SHANK2: variants seen among roughly 807,000 people sequenced by gnomAD.
SHANK2 encodes SH3 and multiple ankyrin repeat domains protein 2.
A neutral mutation model predicts 133.7 loss-of-function variants in SHANK2; 43 were observed. That is an observed-to-expected ratio of 0.32 (90% CI 0.25 to 0.41). SHANK2 has a LOEUF of 0.41. SHANK2 is among the 10% of genes least tolerant of loss of function. The probability of loss-of-function intolerance (pLI) is 1.00; values close to 1 mark genes in which losing one functional copy is unlikely to be tolerated. For missense variants in SHANK2, 1,994 were observed against 2,235.8 expected (o/e 0.89, Z 2.18); for synonymous variants, 1,017 against 952.8 (o/e 1.07, Z -1.24).
chr11:71,238,952 C>T (rs188397579), intron 1 of SHANK2, among the ~76,000 whole-genome samples: 1 of 152,028 alleles, frequency 6.6e-6, no homozygotes, highest in Middle Eastern at 3.2e-3. Context: ...TAAGGTGGGA[C>T]GAGAGATTTG....
intron 3 of SHANK2, among the ~76,000 whole-genome samples, chr11:71,132,095 G>A (rs1425752908): frequency 7.2e-5 from 11 of 152,218 alleles, no homozygotes; most frequent in Non-Finnish European, 1.3e-4. Flanking sequence ...AGAGGCAGGT[G>A]AGGCTGCTGC....
At chr11:71,131,880 G>GC (rs2135333489) in intron 3 of SHANK2, among the ~76,000 whole-genome samples, 1 of 152,290 alleles carries the variant, frequency 6.6e-6, no homozygotes, top group African/African-American at 2.4e-5. Flanking sequence ...GGCCGCATTA[G>GC]CACCCCCAGG....
chr11:70,514,757 A>G (rs1163558517), intron 17 of SHANK2, among the ~76,000 whole-genome samples: 1 of 152,222 alleles, frequency 6.6e-6, no homozygotes, highest in Admixed American at 6.5e-5. Context: ...AAATTAAAAT[A>G]AGGTTCTAAG....
intron 17 of SHANK2, among the ~76,000 whole-genome samples, chr11:70,659,182 C>T (rs1483783502): frequency 1.3e-5 from 2 of 152,190 alleles, no homozygotes; most frequent in Admixed American, 6.5e-5. Context: ...AGAGCCGGAG[C>T]ACTCAAACCT....
chr11:70,508,032 G>A (rs1000935842), intron 17 of SHANK2, among the ~76,000 whole-genome samples: 1 of 152,150 alleles, frequency 6.6e-6, no homozygotes, highest in Non-Finnish European at 1.5e-5. Flanking sequence ...AGATTCTGCC[G>A]AGAGGGCACA....
chr11:71,183,254 A>C (rs782716649), intron 2 of SHANK2, among the ~76,000 whole-genome samples: 1 of 152,148 alleles, frequency 6.6e-6, no homozygotes, highest in Non-Finnish European at 1.5e-5. Flanking sequence ...ACAAGGGGCA[A>C]AGGTGCTGGA....
chr11:70,903,404 A>ATAAAATAAAAT (rs2135693641), intron 10 of SHANK2, among the ~76,000 whole-genome samples: 1 of 140,652 alleles, frequency 7.1e-6, no homozygotes, highest in East Asian at 2.1e-4. Context: ...ATAAAATAAA[A>ATAAAATAAAAT]TAAAATAAAA....
chr11:71,081,360 C>T (rs1206467799), intron 8 of SHANK2, among the ~76,000 whole-genome samples: 1 of 152,196 alleles, frequency 6.6e-6, no homozygotes, highest in Non-Finnish European at 1.5e-5. Context: ...TGCTGTTCAG[C>T]CTGAAATGAT....
intron 2 of SHANK2, among the ~76,000 whole-genome samples, chr11:71,209,444 G>T (rs1396527748): frequency 6.6e-6 from 1 of 152,218 alleles, no homozygotes; most frequent in Non-Finnish European, 1.5e-5. Context: ...TGTGGAGGGG[G>T]TCAGGCTTCC....
chr11:71,072,826 C>T (rs1335162190), intron 9 of SHANK2, among the ~76,000 whole-genome samples: 2 of 152,234 alleles, frequency 1.3e-5, no homozygotes, highest in East Asian at 3.9e-4. Flanking sequence ...TGTTTCTACT[C>T]ATATCAAGTC....
intron 10 of SHANK2, among the ~76,000 whole-genome samples, chr11:70,931,470 C>T (rs1286324010): frequency 3.9e-5 from 6 of 152,328 alleles, no homozygotes; most frequent in East Asian, 1.9e-4. Flanking sequence ...AAGGTGGCAG[C>T]GCTGGGACAC....
At chr11:70,564,893 A>C (rs1190621823) in intron 17 of SHANK2, among the ~76,000 whole-genome samples, 1 of 152,216 alleles carries the variant, frequency 6.6e-6, no homozygotes, top group Non-Finnish European at 1.5e-5. Context: ...TATCATATTA[A>C]CCATTTAAAA....
intron 14 of SHANK2, among the ~76,000 whole-genome samples, chr11:70,742,199 C>G (rs1473429350): frequency 1.3e-5 from 2 of 152,202 alleles, no homozygotes; most frequent in Non-Finnish European, 1.5e-5. Flanking sequence ...GGGAAGCAGA[C>G]AGCTTGCAGT....
chr11:70,911,073 A>G (rs1462428860), intron 10 of SHANK2: 1 of 456,830 alleles, frequency 2.2e-6, no homozygotes, highest in African/African-American at 2.0e-5. Flanking sequence ...TCACCCCCAG[A>G]CTTCCTCCAA....
intron 2 of SHANK2, among the ~76,000 whole-genome samples, chr11:71,200,443 C>T (rs1051462227): frequency 2.0e-5 from 3 of 152,164 alleles, no homozygotes; most frequent in Non-Finnish European, 2.9e-5. Flanking sequence ...CATTTTCACT[C>T]GTACCTATGA....
In SHANK2 at chr11:70,777,519, T is replaced by TCATCCATC. The variant is rs201578144; in HGVS notation, c.1777+20916_1777+20923dup. Among the ~76,000 whole-genome samples, 676 of 151,232 alleles carry TCATCCATC rather than the reference T, an allele frequency of 4.5e-3. 3 individuals are homozygous for TCATCCATC. The highest frequency in any genetic ancestry group is 0.021 in the Middle Eastern group (6 of 290). Reference sequence around the variant, plus strand: ...TCCATCCTCCCACCTACCTATCCATTCATCCATCCATCCATCCATCCATCC... The same window carrying TCATCCATC: ...TCCATCCTCCCACCTACCTATCCATTCATCCATCCATCCATCCATCCATCCATCCATCC... On this transcript the variant is annotated intron_variant, in intron 14 of 25. Coordinates refer to ENST00000601538, the MANE Select transcript of SHANK2 (RefSeq NM_012309.5).
intron 14 of SHANK2, among the ~76,000 whole-genome samples, chr11:70,778,483 T>G (rs1947413459): frequency 1.3e-5 from 2 of 152,112 alleles, no homozygotes; most frequent in Admixed American, 6.5e-5. Context: ...GTGACTGGAT[T>G]TGGAGAAAGG....
At chr11:70,718,969 A>T (rs1591783242) in intron 14 of SHANK2, among the ~76,000 whole-genome samples, 2 of 152,300 alleles carry the variant, frequency 1.3e-5, no homozygotes, top group Admixed American at 1.3e-4. Flanking sequence ...ATCACGAATT[A>T]TCGGTAAGAT....
intron 2 of SHANK2, among the ~76,000 whole-genome samples, chr11:71,167,048 T>G (rs1555111022): frequency 6.6e-6 from 1 of 150,760 alleles, no homozygotes; most frequent in Non-Finnish European, 1.5e-5. Flanking sequence ...GCACTGCCCT[T>G]AATCCATTTA....
Sources: allele counts gnomAD v4.1 joint callset (sites outside exome capture counted in the v4.1 genomes callset), GRCh38; gene constraint gnomAD v4.1.1; transcripts MANE v1.5; gene names NCBI Gene and HGNC (gene_info 2026-07-23, HGNC 2026-07-21).